Variants in CHEK1 observed in about 807,000 individuals in gnomAD.
The protein encoded by CHEK1 is serine/threonine-protein kinase Chk1.
Under a neutral mutation model 60.2 loss-of-function variants are expected in CHEK1, and 32 were observed. The observed-to-expected ratio is 0.53, with a 90% CI of 0.40 to 0.71. The LOEUF is 0.71. Ranked by LOEUF, CHEK1 falls within the 30% of genes least tolerant of loss-of-function variation. CHEK1 has a pLI of 0.00. For missense variants in CHEK1, 399 were observed against 564.6 expected (o/e 0.71, Z 2.97); for synonymous variants, 179 against 187.2 (o/e 0.96, Z 0.36).
intron 6 of CHEK1, among the ~76,000 whole-genome samples, chr11:125,634,015 T>TTTTA (rs59629339): frequency 1.8e-4 from 27 of 150,738 alleles, no homozygotes; most frequent in Admixed American, 4.6e-4. Context: ...TTTTTTTTTT[T>TTTTA]AGACCAGAGT....
At position 125,664,972 on chromosome 11, in the gene CHEK1, C is replaced by T. The variant is rs761705688; in HGVS notation, c.*27+9625C>T. Among the ~76,000 whole-genome samples the T allele has an allele frequency of 1.6e-4, 25 of 152,068 alleles. 1 individual carries two copies. Among genetic ancestry groups the T allele is most frequent in the Admixed American group, 3.3e-4 (5 of 15,262 alleles). On this transcript the variant is annotated intron_variant, in intron 13 of 13. Coordinates refer to the CHEK1 transcript ENST00000428830. ...TTGTGTGTGTGTATGGTGAAAGATACGGCTCTAGTTTCATTCTTTTGCCTA... is the reference window on the plus strand; with the variant it reads ...TTGTGTGTGTGTATGGTGAAAGATATGGCTCTAGTTTCATTCTTTTGCCTA...
intron 1 of CHEK1, 24 bp from the exon 2 acceptor site, chr11:125,626,725 T>C (rs1292534101): frequency 6.2e-7 from 1 of 1,611,142 alleles, no homozygotes; most frequent in Non-Finnish European, 8.5e-7. Flanking sequence ...CTCTACATCT[T>C]TTCTGGATTC....
At chr11:125,678,212 A>C, downstream of CHEK1, 1 of 1,614,204 alleles carries the variant, frequency 6.2e-7, no homozygotes, top group Non-Finnish European at 8.5e-7. Context: ...AAGGGTTTTC[A>C]AGTGAAAAGA....
intron 13 of CHEK1, among the ~76,000 whole-genome samples, chr11:125,665,308 C>A (rs1189607386): frequency 6.6e-6 from 1 of 151,278 alleles, no homozygotes; most frequent in Admixed American, 6.6e-5. Flanking sequence ...GTTGAACTAC[C>A]CTTACATCCC....
At chr11:125,666,552 T>G (rs544737125) in intron 13 of CHEK1, among the ~76,000 whole-genome samples, 1 of 152,194 alleles carries the variant, frequency 6.6e-6, no homozygotes, top group Non-Finnish European at 1.5e-5. Flanking sequence ...TGATGTTTCT[T>G]TGATGATCTG....
chr11:125,650,458 GT>G (rs71279471), intron 11 of CHEK1, among the ~76,000 whole-genome samples: 4,619 of 130,708 alleles, frequency 0.035, 94 homozygotes, highest in Middle Eastern at 0.052. Context: ...AGTGGTGTTT[GT>G]TTTTTTTTTT....
downstream of CHEK1, among the ~76,000 whole-genome samples, chr11:125,660,542 G>A (rs148561002): frequency 3.2e-4 from 49 of 151,716 alleles, no homozygotes; most frequent in African/African-American, 1.0e-3. Context: ...TGTTAATTTT[G>A]CTTTATACAT....
At chr11:125,640,787 C>T (rs1591404853) in intron 8 of CHEK1, among the ~76,000 whole-genome samples, 1 of 151,988 alleles carries the variant, frequency 6.6e-6, no homozygotes, top group African/African-American at 2.4e-5. Flanking sequence ...CTATGCTTTT[C>T]TACCAAAAAT....
At chr11:125,643,487 C>A in intron 8 of CHEK1, 1 of 191,538 alleles carries the variant, frequency 5.2e-6, no homozygotes, top group Non-Finnish European at 1.1e-5. Flanking sequence ...AGCGAGACTC[C>A]GTCTCAAAAA....
downstream of CHEK1, chr11:125,680,683 G>C (rs1242134609): frequency 3.2e-6 from 5 of 1,560,866 alleles, no homozygotes; most frequent in Non-Finnish European, 3.5e-6. Context: ...AATGTCTTAA[G>C]GGAGACCCCT....
intron 2 of CHEK1, 92 bp downstream of exon 2, chr11:125,626,925 G>A: frequency 7.2e-7 from 1 of 1,388,728 alleles, no homozygotes; most frequent in Non-Finnish European, 1.0e-6. Flanking sequence ...AGATGTTTGA[G>A]ATCCAAGGGT....
chr11:125,634,837 T>A (rs1187809462), intron 6 of CHEK1, among the ~76,000 whole-genome samples: 1 of 152,128 alleles, frequency 6.6e-6, no homozygotes, highest in Non-Finnish European at 1.5e-5. Flanking sequence ...TTATTTATAA[T>A]CCCAAAGATT....
At position 125,653,536 on chromosome 11, in the gene CHEK1, C is replaced by T. The variant is rs916542952; in HGVS notation, c.1234-210C>T. 2.0e-5 allele frequency among the ~76,000 whole-genome samples: 3 copies of T among 152,118 alleles called. No individual in the cohort carries two copies. Among genetic ancestry groups the T allele is most frequent in the African/African-American group, 7.2e-5 (3 of 41,384 alleles). On this transcript the variant is annotated intron_variant, in intron 11 of 12. Coordinates refer to ENST00000438015, the MANE Select transcript of CHEK1 (RefSeq NM_001114122.3). The surrounding 1 kb of genome is among the most constrained non-coding windows in gnomAD (Gnocchi z 4.3). ...TGTTGTTGGATACCTAGGTTGATTCCATATCTTGGCTATTGTGAATAATGC... is the reference window on the plus strand; with the variant it reads ...TGTTGTTGGATACCTAGGTTGATTCTATATCTTGGCTATTGTGAATAATGC...
intron 8 of CHEK1, among the ~76,000 whole-genome samples, chr11:125,640,539 C>CAAA (rs35982773): frequency 2.0e-5 from 2 of 100,242 alleles, no homozygotes; most frequent in Admixed American, 1.1e-4. Context: ...GACTCCGTCT[C>CAAA]AAAAAAAAAA....
chr11:125,657,767 A>G (rs1246300122), downstream of CHEK1, among the ~76,000 whole-genome samples: 1 of 152,162 alleles, frequency 6.6e-6, no homozygotes, highest in Admixed American at 6.6e-5. Flanking sequence ...GTTCGATGCT[A>G]TTATAAAATT....
chr11:125,673,547 C>T (rs1003299749), intron 13 of CHEK1, among the ~76,000 whole-genome samples: 3 of 152,126 alleles, frequency 2.0e-5, no homozygotes, highest in Non-Finnish European at 4.4e-5. Flanking sequence ...ACAAGGTCTT[C>T]CCCACTGCTC....
intron 8 of CHEK1, among the ~76,000 whole-genome samples, chr11:125,641,790 CT>C (rs34950755): frequency 0.095 from 13,937 of 146,758 alleles, 810 homozygotes; most frequent in African/African-American, 0.17. Context: ...ATCTGATTAC[CT>C]TTTTTTTTTT....
chr11:125,670,307 C>T (rs1942178221), intron 13 of CHEK1, among the ~76,000 whole-genome samples: 1 of 152,042 alleles, frequency 6.6e-6, no homozygotes, highest in African/African-American at 2.4e-5. Flanking sequence ...TCACTTTGTT[C>T]CAGTATCTGT....
chr11:125,644,357 A>G lies in CHEK1; in HGVS notation c.1101+89A>G, dbSNP rs1941420902. ...TTTTTAATGTGTAAATCTTAGATATATAACTTTTAAATCACATGTATTCTT... is the reference window on the plus strand; with the variant it reads ...TTTTTAATGTGTAAATCTTAGATATGTAACTTTTAAATCACATGTATTCTT... On this transcript the variant is annotated intron_variant, in intron 10 of 12. Coordinates refer to ENST00000438015, the MANE Select transcript of CHEK1 (RefSeq NM_001114122.3). The G allele has an allele frequency of 2.1e-6, 3 of 1,463,260 alleles. No homozygotes were observed. In the South Asian group the frequency reaches 4.1e-5, roughly 20 times the overall value. 90.6% of individuals were successfully genotyped at this position (1,463,260 alleles called of 1,614,324 possible). A position where few individuals can be genotyped will look rare whatever the true frequency, so the allele number is the denominator to read the frequency against.
Sources: gnomAD v4.1 joint callset for allele counts (sites outside exome capture counted in the v4.1 genomes callset) on GRCh38, gnomAD v4.1.1 for gene constraint, Gnocchi (gnomAD v3.1) non-coding constraint, MANE v1.5 for transcripts, NCBI Gene and HGNC (gene_info 2026-07-23, HGNC 2026-07-21) for gene names.